The following ZC3H18 variants were observed in gnomAD, a reference collection of about 807,000 sequenced individuals.
ZC3H18 encodes zinc finger CCCH-type containing 18.
Under a neutral mutation model 106.1 loss-of-function variants are expected in ZC3H18, and 8 were observed. The observed-to-expected ratio is 0.08, with a 90% CI of 0.04 to 0.14. The LOEUF is 0.14. ZC3H18 is among the 10% of genes least tolerant of loss of function. The pLI is 1.00. For synonymous variants in ZC3H18, 635 were observed against 522.1 expected (o/e 1.22, Z -2.95); for missense variants, 1,318 against 1,278.4 (o/e 1.03, Z -0.47).
chr16:88,606,740 T>C (rs1905027413), intron 6 of ZC3H18, among the ~76,000 whole-genome samples: 1 of 152,192 alleles, frequency 6.6e-6, no homozygotes, highest in Non-Finnish European at 1.5e-5. Context: ...AGTGTTATAA[T>C]TCAGTGTGAT....
rs1352261751 is a variant in ZC3H18 at position 88,631,912 on chromosome 16, TGTG to T, written c.*618_*620del. On this transcript the variant is annotated 3_prime_UTR_variant, in exon 18 of 18. Transcript: ENST00000301011. ...GGGTGTTGTTGGGGCGTCTGTCTAA[TGTG>T]GTGGGTCTTTTTTTGAGGGGTCTCC... 24 of 273,514 alleles carry T rather than the reference TGTG, an allele frequency of 8.8e-5. No individual in the cohort carries two copies. Among genetic ancestry groups the T allele is most frequent in the Non-Finnish European group, 1.5e-4 (21 of 139,756 alleles). The allele number at this position is 273,514 out of a possible 1,614,324, so 16.9% of individuals were successfully genotyped here.
chr16:88,581,615 G>T (rs1306151162), intron 2 of ZC3H18, among the ~76,000 whole-genome samples: 1 of 152,204 alleles, frequency 6.6e-6, no homozygotes, highest in South Asian at 2.1e-4. Context: ...GTGGGTGAGG[G>T]CGTCCCTGAC....
chr16:88,579,197 C>G (rs796359985), intron 2 of ZC3H18, among the ~76,000 whole-genome samples: 1 of 152,226 alleles, frequency 6.6e-6, no homozygotes, highest in Non-Finnish European at 1.5e-5. Context: ...AGGAAGTGGT[C>G]TCCTCAGCTA....
At chr16:88,584,703 G>T (rs1207284898) in intron 2 of ZC3H18, among the ~76,000 whole-genome samples, 1 of 152,174 alleles carries the variant, frequency 6.6e-6, no homozygotes, top group African/African-American at 2.4e-5. Flanking sequence ...TGCAACTCTG[G>T]TCTGTTTACC....
At chr16:88,630,961 G>C in intron 17 of ZC3H18, 140 bp from the exon 18 acceptor site, 1 of 1,058,724 alleles carries the variant, frequency 9.4e-7, no homozygotes, top group Admixed American at 2.1e-5. Context: ...TGTGGCAGTG[G>C]GAGCCTGGCC....
chr16:88,606,859 T>G (rs374602211), intron 6 of ZC3H18, among the ~76,000 whole-genome samples: 84 of 152,308 alleles, frequency 5.5e-4, no homozygotes, highest in African/African-American at 2.0e-3. Context: ...TGAGGAGGCC[T>G]CGAGGGTGTT....
In ZC3H18 at chr16:88,599,925, C is replaced by A. The variant is rs1284934315; in HGVS notation, c.1065C>A (p.Ile355=). ...TTTTTCGAGATTGGAATTCTCGGAT[C>A]CCGAGAGATGTCAGAGACACAGTGT... ...NEVFRDWNSR[I]PRDVRDTVLE... Residue 355 remains isoleucine (I), a synonymous_variant, in exon 6 of 18, where the codon ATC becomes ATA. Transcript: ENST00000301011. The A allele has an allele frequency of 2.5e-6, 4 of 1,614,010 alleles. No individual in the cohort carries two copies. In the African/African-American group the frequency reaches 5.3e-5, roughly 22 times the overall value.
chr16:88,611,234 A>T, intron 7 of ZC3H18, 34 bp from the exon 8 acceptor site: 1 of 741,200 alleles, frequency 1.3e-6, no homozygotes. Flanking sequence ...CAAATAACGC[A>T]CGGTGTCCCC....
At chr16:88,602,402 A>G (rs74033315) in intron 6 of ZC3H18, among the ~76,000 whole-genome samples, 15,309 of 152,202 alleles carry the variant, frequency 0.1, 960 homozygotes, top group African/African-American at 0.17. Flanking sequence ...ACAGGTGAGG[A>G]GAGTGCAACC....
Position 88,608,196 on chromosome 16 carries a change from C to G in ZC3H18, c.1089-738C>G, listed in dbSNP as rs149242819. Among the ~76,000 whole-genome samples, 4 of 152,258 alleles carry G rather than the reference C, an allele frequency of 2.6e-5. No homozygotes were observed. The East Asian group carries it at 7.7e-4, about 29-fold the overall frequency. On this transcript the variant is annotated intron_variant, in intron 6 of 17. Transcript: ENST00000301011. ...TGTTCTTGTGCCTCTAGTGGGCTCC[C>G]CTTGTCCAGTCAGGGGGTGCCTCCA...
intron 6 of ZC3H18, among the ~76,000 whole-genome samples, chr16:88,607,829 C>T (rs908291205): frequency 2.0e-5 from 3 of 150,070 alleles, no homozygotes; most frequent in East Asian, 2.0e-4. Flanking sequence ...CATTTATTCA[C>T]GCACGCTTCA....
At chr16:88,623,811 C>A in intron 10 of ZC3H18, 147 bp from the exon 11 acceptor site, 2 of 1,382,506 alleles carry the variant, frequency 1.4e-6, no homozygotes, top group Non-Finnish European at 1.9e-6. Context: ...TAGCAGATGA[C>A]AGAACAGTCC....
chr16:88,624,137 T>C, intron 11 of ZC3H18, 75 bp downstream of exon 11: 1 of 1,569,110 alleles, frequency 6.4e-7, no homozygotes, highest in Non-Finnish European at 8.7e-7. Flanking sequence ...TCCGTCTCTA[T>C]CTCTCATTTG....
chr16:88,630,635 G>T (rs760916316), intron 17 of ZC3H18, 54 bp downstream of exon 17: 2 of 1,492,194 alleles, frequency 1.3e-6, no homozygotes, highest in African/African-American at 1.4e-5. Flanking sequence ...AGCCCCAGTC[G>T]CTTCCCCAGG....
intron 3 of ZC3H18, among the ~76,000 whole-genome samples, chr16:88,590,094 G>A (rs745515304): frequency 3.9e-5 from 6 of 152,096 alleles, no homozygotes; most frequent in Non-Finnish European, 8.8e-5. Context: ...ACCAGCCTGG[G>A]CAACATTGCA....
chr16:88,630,376 A>G (rs1906585927), intron 16 of ZC3H18, 109 bp from the exon 17 acceptor site: 1 of 766,030 alleles, frequency 1.3e-6, no homozygotes, highest in East Asian at 2.8e-5. Flanking sequence ...AAGGTGGTGA[A>G]CTAAGCAGCC....
Position 88,631,024 on chromosome 16 carries a change from G to A in ZC3H18, c.2664-77G>A, listed in dbSNP as rs562771736. The A allele has an allele frequency of 2.3e-5, 36 of 1,574,164 alleles. 1 individual carries two copies. The South Asian group carries it at 2.8e-4, about 12-fold the overall frequency. ...TGGCCGCTGAGGACACAGTGGAAGCGCCCCTACGGGGAGGTCACCCCTTCC... is the reference window on the plus strand; with the variant it reads ...TGGCCGCTGAGGACACAGTGGAAGCACCCCTACGGGGAGGTCACCCCTTCC... On this transcript the variant is annotated intron_variant, in intron 17 of 17. Transcript: ENST00000301011.
chr16:88,611,686 C>G, intron 8 of ZC3H18, 150 bp downstream of exon 8: 1 of 1,255,892 alleles, frequency 8.0e-7, no homozygotes, highest in African/African-American at 1.5e-5. Flanking sequence ...CCCATAGTTC[C>G]AAACCCAGAG....
intron 8 of ZC3H18, among the ~76,000 whole-genome samples, chr16:88,621,287 C>T (rs973395998): frequency 7.3e-5 from 11 of 151,362 alleles, no homozygotes; most frequent in Non-Finnish European, 1.6e-4. Flanking sequence ...TGCAATGGCG[C>T]GATCTCGGCT....
Sources: allele counts gnomAD v4.1 joint callset (sites outside exome capture counted in the v4.1 genomes callset), GRCh38; gene constraint gnomAD v4.1.1; transcripts MANE v1.5; gene names NCBI Gene and HGNC (gene_info 2026-07-23, HGNC 2026-07-21).